The following NEK10 variants were observed in gnomAD, a reference collection of about 807,000 sequenced individuals.
NEK10 encodes the protein serine/threonine-protein kinase Nek10.
Under a neutral mutation model 159.8 loss-of-function variants are expected in NEK10, and 122 were observed. That is an observed-to-expected ratio of 0.76 (90% CI 0.66 to 0.89). NEK10 has a LOEUF of 0.89. Among genes scored for constraint, NEK10 ranks in the 40% least tolerant of loss-of-function variants. The pLI is 0.00. For missense variants in NEK10, 1,342 were observed against 1,323.1 expected (o/e 1.01, Z -0.22); for synonymous variants, 466 against 457.1 (o/e 1.02, Z -0.25).
intron 26 of NEK10, among the ~76,000 whole-genome samples, chr3:27,186,775 A>G (rs1419731767): frequency 6.6e-6 from 1 of 152,164 alleles, no homozygotes; most frequent in Non-Finnish European, 1.5e-5. Flanking sequence ...GGCACCTGGG[A>G]CAGAAGAATA....
intron 10 of NEK10, 78 bp from the exon 11 acceptor site, chr3:27,308,023 A>G: frequency 1.4e-6 from 1 of 731,126 alleles, no homozygotes. Flanking sequence ...TCAAACTGGT[A>G]TAAAGAACTG....
chr3:27,258,028 C>T (rs1389145605), intron 22 of NEK10, among the ~76,000 whole-genome samples: 1 of 151,844 alleles, frequency 6.6e-6, no homozygotes, highest in Non-Finnish European at 1.5e-5. Context: ...GATCTCCTGA[C>T]CTCATGATCC....
At chr3:27,202,744 T>C (rs1950164068) in intron 23 of NEK10, among the ~76,000 whole-genome samples, 187 bp from the exon 24 acceptor site, 1 of 152,312 alleles carries the variant, frequency 6.6e-6, no homozygotes, top group Middle Eastern at 3.4e-3. Flanking sequence ...AGGAAGCATA[T>C]CAATTCCAGC....
At chr3:27,363,362 A>G (rs2048822024) in intron 1 of NEK10, among the ~76,000 whole-genome samples, 2 of 152,194 alleles carry the variant, frequency 1.3e-5, no homozygotes, top group African/African-American at 4.8e-5. Context: ...AAGCATATGG[A>G]GGACAGCTTT....
chr3:27,297,124 G>C, intron 14 of NEK10, 55 bp downstream of exon 14: 1 of 1,115,404 alleles, frequency 9.0e-7, no homozygotes. Context: ...GCACCACAAG[G>C]TGAGTTGATT....
intron 23 of NEK10, among the ~76,000 whole-genome samples, chr3:27,222,770 A>T (rs1212651258): frequency 5.6e-5 from 1 of 18,002 alleles, no homozygotes; most frequent in Admixed American, 5.4e-4. Flanking sequence ...TTTTCATGTA[A>T]AAAAAAACTC....
rs556589878 is a variant in NEK10 at position 27,274,951 on chromosome 3, G to C, written c.2014+9651C>G. 2.0e-5 allele frequency among the ~76,000 whole-genome samples: 3 copies of C among 152,242 alleles called. No homozygotes were observed. The East Asian group carries it at 5.8e-4, about 29-fold the overall frequency. On this transcript the variant is annotated intron_variant, in intron 22 of 35. Transcript: ENST00000691995. ...CACACATCAGATTCCACCCCCTTCA[G>C]TTAAAAGCTCTCAGAGAACCAAATC...
Position 27,346,134 on chromosome 3 carries a change from C to T in NEK10, c.215G>A (p.Arg72Gln), listed in dbSNP as rs766619923. ...TTCTGTGGATTCATGCCACTGACCC[C>T]GAGCTCTGTGTCCACCCGCCCTGAT... ...PAIRAGGHRARGQWHESTEAV... is the reference protein window; with the variant it reads ...PAIRAGGHRAQGQWHESTEAV... The change falls in exon 4 of 36, where the codon CGG becomes CAG. Residue 72 changes from arginine to glutamine, a missense_variant. Physicochemically the swap from Arg to Gln is conservative, Grantham distance 43 (BLOSUM62 1). Transcript: ENST00000691995. The T allele has an allele frequency of 3.8e-5, 62 of 1,613,730 alleles. No individual in the cohort carries two copies. Among genetic ancestry groups the T allele is most frequent in the Non-Finnish European group, 4.6e-5 (54 of 1,179,714 alleles).
At chr3:27,196,411 G>A (rs1193301691) in intron 25 of NEK10, among the ~76,000 whole-genome samples, 1 of 152,172 alleles carries the variant, frequency 6.6e-6, no homozygotes, top group Non-Finnish European at 1.5e-5. Context: ...CAGCATCTGA[G>A]GGGTTCTTGC....
At chr3:27,201,483 C>T in intron 25 of NEK10, 27 bp downstream of exon 25, 4 of 1,595,634 alleles carry the variant, frequency 2.5e-6, no homozygotes, top group South Asian at 2.2e-5. Flanking sequence ...ATTGTCCCTA[C>T]ATGTCTGAAG....
intron 6 of NEK10, among the ~76,000 whole-genome samples, chr3:27,317,170 G>C (rs2045266171): frequency 6.6e-6 from 1 of 152,164 alleles, no homozygotes; most frequent in Non-Finnish European, 1.5e-5. Flanking sequence ...GTGGAGCAAG[G>C]CCAGGAGATT....
chr3:27,308,138 G>A (rs996505049), intron 10 of NEK10, among the ~76,000 whole-genome samples, 193 bp from the exon 11 acceptor site: 1 of 152,214 alleles, frequency 6.6e-6, no homozygotes, highest in Non-Finnish European at 1.5e-5. Flanking sequence ...AGATAAAGGA[G>A]AAGCAAGGCA....
chr3:27,157,494 T>G (rs1945598123), intron 30 of NEK10, among the ~76,000 whole-genome samples: 1 of 152,158 alleles, frequency 6.6e-6, no homozygotes, highest in African/African-American at 2.4e-5. Flanking sequence ...AAGATGTGAC[T>G]GAATTGCTGC....
intron 29 of NEK10, among the ~76,000 whole-genome samples, chr3:27,166,360 A>G (rs1295096724): frequency 6.6e-6 from 1 of 152,076 alleles, no homozygotes; most frequent in East Asian, 1.9e-4. Context: ...AAAAGAAACA[A>G]AGTGGTCTTA....
At chr3:27,118,371 G>A (rs766364147) in intron 33 of NEK10, among the ~76,000 whole-genome samples, 1 of 152,202 alleles carries the variant, frequency 6.6e-6, no homozygotes, top group Non-Finnish European at 1.5e-5. Flanking sequence ...AAGCCGTGTT[G>A]ACCAGCTTTC....
At chr3:27,121,102 T>G (rs1221354340) in intron 32 of NEK10, among the ~76,000 whole-genome samples, 3 of 152,160 alleles carry the variant, frequency 2.0e-5, no homozygotes, top group Admixed American at 6.5e-5. Context: ...GAGAAATAAG[T>G]GCATATGTCC....
chr3:27,274,005 A>G (rs966953947), intron 22 of NEK10, among the ~76,000 whole-genome samples: 5 of 149,760 alleles, frequency 3.3e-5, no homozygotes, highest in African/African-American at 1.3e-4. Flanking sequence ...CCTTCAGCTA[A>G]ATGAAGTCCA....
At chr3:27,197,796 CT>C (rs35835923) in intron 25 of NEK10, among the ~76,000 whole-genome samples, 58,771 of 145,982 alleles carry the variant, frequency 0.4, 12,283 homozygotes, top group African/African-American at 0.58. Context: ...TACTTTCTTT[CT>C]TTTTTTTTTT....
rs1417591927 is a variant in NEK10 at position 27,293,643 on chromosome 3, A to G, written c.1318T>C (p.Phe440Leu). Residue 440 changes from phenylalanine (F) to leucine (L), a missense_variant, in exon 16 of 36, where the codon TTC (phenylalanine) becomes CTC (leucine). Phe to Leu is a conservative substitution (Grantham distance 22). Transcript: ENST00000691995. ...AKSNLLQCYA[F>L]RALRFLFSME... Reference sequence around the variant, plus strand: ...CTGAAGAGAAATCTCAAGGCTCTGAAAGCATAACACTAGAAAACAAAAGGA... The same window carrying G: ...CTGAAGAGAAATCTCAAGGCTCTGAGAGCATAACACTAGAAAACAAAAGGA... 2 of 1,563,928 alleles carry G rather than the reference A, an allele frequency of 1.3e-6. No homozygotes were observed. The highest frequency in any genetic ancestry group is 1.4e-5 in the African/African-American group (1 of 73,798).
Sources: gnomAD v4.1 joint callset for allele counts (sites outside exome capture counted in the v4.1 genomes callset) on GRCh38, gnomAD v4.1.1 for gene constraint, MANE v1.5 for transcripts, NCBI Gene and HGNC (gene_info 2026-07-23, HGNC 2026-07-21) for gene names.